Variants in GOLGA4 observed in about 807,000 individuals in gnomAD.
GOLGA4 encodes golgin subfamily A member 4.
A neutral mutation model predicts 265.9 loss-of-function variants in GOLGA4; 169 were observed. That is an observed-to-expected ratio of 0.64 (90% CI 0.56 to 0.72). GOLGA4 has a LOEUF of 0.72. GOLGA4 is among the 30% of genes least tolerant of loss of function. The probability of loss-of-function intolerance (pLI) is 0.00; values close to 1 mark genes in which losing one functional copy is unlikely to be tolerated. For synonymous variants in GOLGA4, 923 were observed against 855.8 expected (o/e 1.08, Z -1.37); for missense variants, 2,482 against 2,483.4 (o/e 1.00, Z 0.01).
intron 7 of GOLGA4, among the ~76,000 whole-genome samples, chr3:37,297,565 T>G (rs1425665222): frequency 6.6e-6 from 1 of 152,266 alleles, no homozygotes; most frequent in Non-Finnish European, 1.5e-5. Flanking sequence ...AGTTAACTAC[T>G]GTGCCATTCT....
intron 10 of GOLGA4, among the ~76,000 whole-genome samples, chr3:37,310,158 C>T (rs377697100): frequency 3.0e-4 from 45 of 152,280 alleles, no homozygotes; most frequent in African/African-American, 1.0e-3. Context: ...CACACTTCTG[C>T]ATTTTTGTTT....
At chr3:37,347,553 A>G (rs928546451) in intron 21 of GOLGA4, among the ~76,000 whole-genome samples, 1 of 152,204 alleles carries the variant, frequency 6.6e-6, no homozygotes, top group East Asian at 1.9e-4. Flanking sequence ...AAATTTCATT[A>G]ACATAAGAAT....
chr3:37,294,139 G>A (rs191523481), intron 5 of GOLGA4, among the ~76,000 whole-genome samples: 1 of 152,232 alleles, frequency 6.6e-6, no homozygotes, highest in Admixed American at 6.5e-5. Flanking sequence ...AAAAATCAAT[G>A]GATTTGGTTA....
chr3:37,312,792 A>C (rs552988068), intron 10 of GOLGA4, among the ~76,000 whole-genome samples: 73 of 152,210 alleles, frequency 4.8e-4, no homozygotes, highest in African/African-American at 1.8e-3. Context: ...CCGAAGTGCT[A>C]GAATTATAGG....
chr3:37,261,511 G>A (rs1403443209), intron 2 of GOLGA4, among the ~76,000 whole-genome samples: 3 of 152,200 alleles, frequency 2.0e-5, no homozygotes, highest in African/African-American at 7.2e-5. Context: ...AATGATTTGA[G>A]TAACTGCAGT....
chr3:37,362,622 A>T (rs957219459), intron 23 of GOLGA4, among the ~76,000 whole-genome samples: 8 of 151,250 alleles, frequency 5.3e-5, no homozygotes, highest in African/African-American at 1.9e-4. Context: ...TTCCTGTGTC[A>T]GCTCCTGGGC....
chr3:37,251,012 G>C (rs1264841322), intron 1 of GOLGA4, among the ~76,000 whole-genome samples: 1 of 151,828 alleles, frequency 6.6e-6, no homozygotes, highest in African/African-American at 2.4e-5. Flanking sequence ...TTCTAATTTT[G>C]GAATAATTTT....
rs1180396104 is a variant in GOLGA4, at chr3:37,306,708, T to A, written c.1234+4376T>A. 2.0e-5 allele frequency among the ~76,000 whole-genome samples: 3 copies of A among 152,108 alleles called. No homozygotes were observed. In the East Asian group the frequency reaches 5.8e-4, roughly 29 times the overall value. On this transcript the variant is annotated intron_variant, in intron 10 of 23. Transcript: ENST00000361924. ...AATACGGCACATTCAATTTTGTATG[T>A]TCTTCTCCCCCATTTAGCATTATGT...
chr3:37,299,143 C>A, intron 8 of GOLGA4, 123 bp downstream of exon 8: 1 of 948,114 alleles, frequency 1.1e-6, no homozygotes, highest in Non-Finnish European at 1.6e-6. Flanking sequence ...TTTGCCCTGG[C>A]CTACATAACA....
intron 12 of GOLGA4, chr3:37,321,491 C>T (rs1262180710): frequency 2.6e-6 from 1 of 387,324 alleles, no homozygotes; most frequent in East Asian, 4.3e-5. Flanking sequence ...AAATAGCAGA[C>T]ATAGTGGGGT....
intron 23 of GOLGA4, among the ~76,000 whole-genome samples, chr3:37,363,383 A>T (rs139587103): frequency 9.3e-4 from 142 of 152,306 alleles, no homozygotes; most frequent in Admixed American, 1.6e-3. Context: ...GGAAATGTAT[A>T]TTGTGCAGCA....
chr3:37,304,701 G>T (rs1266048439), intron 10 of GOLGA4, among the ~76,000 whole-genome samples: 1 of 152,128 alleles, frequency 6.6e-6, no homozygotes, highest in East Asian at 1.9e-4. Flanking sequence ...GTTGAAAAGG[G>T]TAAATGATGA....
chr3:37,275,252 A>AC (rs1559370589), intron 2 of GOLGA4, among the ~76,000 whole-genome samples: 7 of 149,576 alleles, frequency 4.7e-5, no homozygotes, highest in Admixed American at 3.3e-4. Context: ...GAAAAAAAAA[A>AC]CCCCAAAAAA....
intron 3 of GOLGA4, among the ~76,000 whole-genome samples, chr3:37,285,596 C>T (rs1425132204): frequency 3.3e-5 from 5 of 152,214 alleles, no homozygotes. Flanking sequence ...AGTTTCCTGT[C>T]TCTCCACACC....
intron 16 of GOLGA4, among the ~76,000 whole-genome samples, chr3:37,330,118 C>G (rs1292502803): frequency 6.7e-6 from 1 of 149,148 alleles, no homozygotes; most frequent in African/African-American, 2.5e-5. Context: ...GATATATGTG[C>G]TAAATGAAAA....
chr3:37,266,878 T>G, intron 2 of GOLGA4: 1 of 1,288,640 alleles, frequency 7.8e-7, no homozygotes, highest in South Asian at 1.2e-5. Flanking sequence ...TGCTTTTCTC[T>G]CTGAGTATAC....
At chr3:37,285,539 C>G (rs1206290972) in intron 3 of GOLGA4, among the ~76,000 whole-genome samples, 4 of 152,224 alleles carry the variant, frequency 2.6e-5, no homozygotes, top group African/African-American at 9.7e-5. Context: ...TACATGATCT[C>G]TTATAGTCCA....
chr3:37,351,572 C>G (rs1216433275), intron 21 of GOLGA4, among the ~76,000 whole-genome samples: 2 of 152,104 alleles, frequency 1.3e-5, no homozygotes, highest in East Asian at 3.9e-4. Flanking sequence ...AAAATATATT[C>G]CTTAAATAAG....
Position 37,323,615 on chromosome 3 carries a change from G to GA in GOLGA4, c.1735dup (p.Ser579LysfsTer19). Reference sequence around the variant, plus strand: ...AATTCTTGAATTGGAAAGTTCTTTGGAAAAAAGCTTACAAGAAAACAAAAA... The same window carrying GA: ...AATTCTTGAATTGGAAAGTTCTTTGGAAAAAAAGCTTACAAGAAAACAAAAA... On this transcript the variant is annotated frameshift_variant, in exon 14 of 24. Coordinates refer to ENST00000361924, the MANE Select transcript of GOLGA4 (RefSeq NM_002078.5). LOFTEE classifies it high-confidence loss of function. The GA allele has an allele frequency of 6.4e-7, 1 of 1,569,720 alleles. No homozygotes were observed. The highest frequency in any genetic ancestry group is 8.6e-7 in the Non-Finnish European group (1 of 1,163,988).
Sources: allele counts gnomAD v4.1 joint callset (sites outside exome capture counted in the v4.1 genomes callset), GRCh38; gene constraint gnomAD v4.1.1; transcripts MANE v1.5; gene names NCBI Gene and HGNC (gene_info 2026-07-23, HGNC 2026-07-21).